CYP19A1: variants seen among roughly 807,000 people sequenced by gnomAD.
CYP19A1 encodes aromatase.
Under a neutral mutation model 44.4 loss-of-function variants are expected in CYP19A1, and 32 were observed. The ratio of observed to expected loss-of-function variants is 0.72; its 90% CI spans 0.54 to 0.97. The LOEUF is 0.97. Among genes scored for constraint, CYP19A1 ranks in the 50% least tolerant of loss-of-function variants. CYP19A1 has a pLI of 0.00. For synonymous variants in CYP19A1, 212 were observed against 215.6 expected (o/e 0.98, Z 0.14); for missense variants, 598 against 637.8 (o/e 0.94, Z 0.67).
intron 1 of CYP19A1, among the ~76,000 whole-genome samples, chr15:51,326,912 A>G (rs1031650745): frequency 6.6e-6 from 1 of 152,184 alleles, no homozygotes; most frequent in East Asian, 1.9e-4. Context: ...ATAGGCTTTT[A>G]AACCTGGAAA....
At chr15:51,212,208 G>C in intron 9 of CYP19A1, 112 bp downstream of exon 9, 2 of 835,880 alleles carry the variant, frequency 2.4e-6, no homozygotes, top group Non-Finnish European at 4.2e-6. Context: ...GGTGGCAGAG[G>C]GAATGAGTAA....
intron 3 of CYP19A1, among the ~76,000 whole-genome samples, chr15:51,230,481 A>C (rs1207485822): frequency 1.3e-5 from 2 of 152,240 alleles, no homozygotes; most frequent in East Asian, 3.8e-4. Flanking sequence ...TGTCTGTTCA[A>C]AATGAAAAGT....
chr15:51,315,849 T>C (rs752560122), intron 1 of CYP19A1: 1 of 152,272 alleles, frequency 6.6e-6, no homozygotes, highest in Non-Finnish European at 1.5e-5. Flanking sequence ...AGATGGAAAC[T>C]TGAACTACGT....
At chr15:51,226,776 AT>A (rs1165905624) in intron 4 of CYP19A1, among the ~76,000 whole-genome samples, 1 of 152,014 alleles carries the variant, frequency 6.6e-6, no homozygotes, top group Non-Finnish European at 1.5e-5. Flanking sequence ...CATTTCCAGC[AT>A]GATGAGGTTA....
At chr15:51,285,037 G>A (rs749673298) in intron 1 of CYP19A1, among the ~76,000 whole-genome samples, 5 of 152,190 alleles carry the variant, frequency 3.3e-5, no homozygotes, top group Non-Finnish European at 4.4e-5. Flanking sequence ...TGAACGAACC[G>A]TGTGGGTGCA....
intron 1 of CYP19A1, among the ~76,000 whole-genome samples, chr15:51,275,663 A>G (rs1177116858): frequency 1.3e-5 from 2 of 152,212 alleles, no homozygotes; most frequent in African/African-American, 4.8e-5. Flanking sequence ...TCAAGCACCT[A>G]ACTCAAGAGT....
At chr15:51,290,261 A>G (rs1032787178) in intron 1 of CYP19A1, among the ~76,000 whole-genome samples, 1 of 152,254 alleles carries the variant, frequency 6.6e-6, no homozygotes, top group African/African-American at 2.4e-5. Flanking sequence ...GGGTGCTTGC[A>G]TAGATGCTGC....
chr15:51,211,248 T>A (rs370971787), intron 9 of CYP19A1, among the ~76,000 whole-genome samples, 192 bp from the exon 10 acceptor site: 8 of 152,212 alleles, frequency 5.3e-5, no homozygotes, highest in African/African-American at 1.9e-4. Context: ...ACCCCCTGTG[T>A]TCTGACCCAA....
intron 1 of CYP19A1, among the ~76,000 whole-genome samples, chr15:51,249,283 C>G (rs1028853943): frequency 4.6e-5 from 7 of 152,136 alleles, no homozygotes. Flanking sequence ...GTTCTCTCCA[C>G]TCAAAGTCTG....
chr15:51,219,530 G>A (rs946942619), intron 5 of CYP19A1, among the ~76,000 whole-genome samples: 9 of 152,116 alleles, frequency 5.9e-5, no homozygotes, highest in Non-Finnish European at 1.3e-4. Flanking sequence ...ATAGAAATTC[G>A]GAAGCTTGCC....
At chr15:51,222,867 A>AT (rs1052121764) in intron 4 of CYP19A1, among the ~76,000 whole-genome samples, 10 of 152,080 alleles carry the variant, frequency 6.6e-5, no homozygotes, top group African/African-American at 1.9e-4. Flanking sequence ...CAAATCAGTG[A>AT]TTTTTTCATA....
intron 1 of CYP19A1, among the ~76,000 whole-genome samples, chr15:51,246,855 T>G (rs914827144): frequency 6.6e-6 from 1 of 152,114 alleles, no homozygotes; most frequent in Non-Finnish European, 1.5e-5. Flanking sequence ...AAGCTTGCAC[T>G]CCCTCTTATT....
intron 3 of CYP19A1, among the ~76,000 whole-genome samples, chr15:51,234,313 G>A (rs896739465): frequency 6.6e-6 from 1 of 152,148 alleles, no homozygotes. Context: ...AAGCCTGAGA[G>A]GACAGGAAAA....
At chr15:51,247,304 C>T (rs2034104862) in intron 1 of CYP19A1, among the ~76,000 whole-genome samples, 1 of 152,150 alleles carries the variant, frequency 6.6e-6, no homozygotes, top group Non-Finnish European at 1.5e-5. Flanking sequence ...GCACCTCCCC[C>T]TATTCCCTTC....
intron 1 of CYP19A1, among the ~76,000 whole-genome samples, chr15:51,251,911 C>T (rs2034325432): frequency 6.6e-6 from 1 of 152,166 alleles, no homozygotes. Flanking sequence ...ACGTCCATTT[C>T]CTTATCTATA....
At chr15:51,275,585 A>ACGG (rs1016403934) in intron 1 of CYP19A1, among the ~76,000 whole-genome samples, 1 of 152,210 alleles carries the variant, frequency 6.6e-6, no homozygotes, top group African/African-American at 2.4e-5. Context: ...AAATGGGGAC[A>ACGG]CGGAGACTTC....
At chr15:51,247,940 T>C (rs2034138797) in intron 1 of CYP19A1, among the ~76,000 whole-genome samples, 1 of 152,152 alleles carries the variant, frequency 6.6e-6, no homozygotes. Context: ...TGTTAATTTT[T>C]ATAATGGGCC....
intron 6 of CYP19A1, among the ~76,000 whole-genome samples, chr15:51,217,705 T>C (rs549388279): frequency 6.6e-6 from 1 of 152,332 alleles, no homozygotes; most frequent in South Asian, 2.1e-4. Flanking sequence ...ACATATTTAG[T>C]ACCCTCTATG....
chr15:51,240,127 C>A (rs903421396), intron 2 of CYP19A1, among the ~76,000 whole-genome samples: 5 of 147,492 alleles, frequency 3.4e-5, no homozygotes, highest in African/African-American at 1.2e-4. Context: ...CCCTACCTGG[C>A]ACTAAGTCAA....
Sources: allele counts gnomAD v4.1 joint callset (sites outside exome capture counted in the v4.1 genomes callset), GRCh38; gene constraint gnomAD v4.1.1; transcripts MANE v1.5; gene names NCBI Gene and HGNC (gene_info 2026-07-23, HGNC 2026-07-21).